Variants in MTFR1 observed in about 807,000 individuals in gnomAD.
The protein encoded by MTFR1 is mitochondrial fission regulator 1.
In MTFR1, 28 loss-of-function variants were observed where a neutral mutation model predicts 38.8. The observed-to-expected ratio is 0.72, with a 90% CI of 0.53 to 0.99. MTFR1 has a LOEUF of 0.99. Ranked by LOEUF, MTFR1 falls within the 50% of genes least tolerant of loss-of-function variation. The pLI is 0.00. For synonymous variants in MTFR1, 145 were observed against 137.0 expected (o/e 1.06, Z -0.41); for missense variants, 358 against 395.5 (o/e 0.91, Z 0.81).
downstream of MTFR1, among the ~76,000 whole-genome samples, chr8:65,712,360 G>C (rs1274265318): frequency 6.6e-6 from 1 of 152,150 alleles, no homozygotes; most frequent in Non-Finnish European, 1.5e-5. Flanking sequence ...GTAATGTAGA[G>C]ACTGCTCTGT....
intron 1 of MTFR1, among the ~76,000 whole-genome samples, chr8:65,649,555 T>C (rs1003646359): frequency 3.3e-5 from 5 of 152,192 alleles, no homozygotes; most frequent in African/African-American, 1.2e-4. Flanking sequence ...TGAGATATTT[T>C]AATACAGGCA....
intron 1 of MTFR1, among the ~76,000 whole-genome samples, chr8:65,648,659 A>G (rs762812875): frequency 4.6e-5 from 7 of 152,204 alleles, no homozygotes; most frequent in Non-Finnish European, 1.0e-4. Context: ...CATTTAACGT[A>G]TAATTTGTAC....
intron 1 of MTFR1, among the ~76,000 whole-genome samples, chr8:65,645,360 G>C (rs1808925788): frequency 6.6e-6 from 1 of 152,222 alleles, no homozygotes; most frequent in Non-Finnish European, 1.5e-5. Flanking sequence ...ACCATGACCA[G>C]GGTTTGCAGG....
At chr8:65,724,773 T>A in intron 3 of MTFR1, 1 of 1,601,190 alleles carries the variant, frequency 6.2e-7, no homozygotes, top group Non-Finnish European at 8.5e-7. Flanking sequence ...AAGCCCCATT[T>A]TACCTGTAAA....
At chr8:65,717,748 G>A (rs972958431) in intron 2 of MTFR1, 1 of 152,150 alleles carries the variant, frequency 6.6e-6, no homozygotes, top group Non-Finnish European at 1.5e-5. Flanking sequence ...AATGAGTATG[G>A]CAAAGCCTTT....
intron 4 of MTFR1, 58 bp from the exon 5 acceptor site, chr8:65,704,636 T>C (rs897922647): frequency 7.2e-7 from 1 of 1,383,922 alleles, no homozygotes. Flanking sequence ...CAGGTGAGGA[T>C]GGTGTTTCAC....
chr8:65,726,640 T>C (rs1487144036), intron 3 of MTFR1, among the ~76,000 whole-genome samples: 1 of 152,218 alleles, frequency 6.6e-6, no homozygotes, highest in East Asian at 1.9e-4. Context: ...GTAAATTTTA[T>C]AGTATTCAAA....
At chr8:65,683,110 T>G (rs913890542) in intron 3 of MTFR1, among the ~76,000 whole-genome samples, 1 of 151,880 alleles carries the variant, frequency 6.6e-6, no homozygotes, top group Admixed American at 6.6e-5. Context: ...TTTCCTTGAT[T>G]TGTACTTTTG....
At chr8:65,691,892 G>C (rs1805292763) in intron 3 of MTFR1, among the ~76,000 whole-genome samples, 1 of 152,104 alleles carries the variant, frequency 6.6e-6, no homozygotes, top group Non-Finnish European at 1.5e-5. Flanking sequence ...ACCAACAACT[G>C]ATATGTTTAA....
At chr8:65,762,023 G>T (rs556327884) in intron 3 of MTFR1, among the ~76,000 whole-genome samples, 1 of 152,172 alleles carries the variant, frequency 6.6e-6, no homozygotes, top group Admixed American at 6.5e-5. Flanking sequence ...AACAGTCCAC[G>T]AGAGGGAGCC....
At chr8:65,662,178 G>C (rs1029843519) in intron 1 of MTFR1, among the ~76,000 whole-genome samples, 4 of 151,668 alleles carry the variant, frequency 2.6e-5, no homozygotes, top group African/African-American at 9.7e-5. Context: ...CTGCCATCTC[G>C]GCTCACTGCA....
intron 1 of MTFR1, among the ~76,000 whole-genome samples, chr8:65,662,052 T>TCCCTCTCTCTCC: frequency 3.0e-5 from 2 of 67,746 alleles, no homozygotes; most frequent in South Asian, 9.5e-4. Flanking sequence ...CCTCTCTCTC[T>TCCCTCTCTCTCC]CCCTCTCTCT....
intron 3 of MTFR1, among the ~76,000 whole-genome samples, chr8:65,691,806 C>T (rs904454398): frequency 3.9e-5 from 6 of 152,094 alleles, no homozygotes; most frequent in Non-Finnish European, 8.8e-5. Context: ...CCTGCCACCA[C>T]GCCCAGCCCT....
intron 1 of MTFR1, among the ~76,000 whole-genome samples, chr8:65,663,268 A>G (rs1171632257): frequency 3.3e-5 from 5 of 152,088 alleles, no homozygotes; most frequent in Non-Finnish European, 7.4e-5. Flanking sequence ...TGCTGTGTCC[A>G]CTCAGGGTTG....
intron 3 of MTFR1, among the ~76,000 whole-genome samples, chr8:65,743,938 T>A (rs2128904384): frequency 6.6e-6 from 1 of 151,458 alleles, no homozygotes; most frequent in Non-Finnish European, 1.5e-5. Context: ...ATTCAAGCAA[T>A]TCTCCTGCCT....
intron 3 of MTFR1, chr8:65,734,995 A>G (rs1807064223): frequency 9.3e-6 from 7 of 754,486 alleles, no homozygotes; most frequent in Non-Finnish European, 1.6e-5. Flanking sequence ...CTTTTCATGT[A>G]GCTATCGGCT....
intron 1 of MTFR1, among the ~76,000 whole-genome samples, chr8:65,658,078 C>T (rs1809315369): frequency 6.6e-6 from 1 of 152,060 alleles, no homozygotes; most frequent in Admixed American, 6.6e-5. Context: ...AGCCACATAA[C>T]TAAGAATATT....
At chr8:65,718,943 T>C (rs1036575377) in intron 2 of MTFR1, 3 of 290,456 alleles carry the variant, frequency 1.0e-5, no homozygotes, top group African/African-American at 2.1e-5. Context: ...TTCCAAGAGA[T>C]TGTTGCTGAA....
At chr8:65,719,216 TTCTC>T in intron 2 of MTFR1, 1 of 979,824 alleles carries the variant, frequency 1.0e-6, no homozygotes, top group South Asian at 1.3e-5. Context: ...AAGAGTTAAG[TTCTC>T]TCACCTCAAG....
Sources: allele counts gnomAD v4.1 joint callset (sites outside exome capture counted in the v4.1 genomes callset), GRCh38; gene constraint gnomAD v4.1.1; transcripts MANE v1.5; gene names NCBI Gene and HGNC (gene_info 2026-07-23, HGNC 2026-07-21).